NSD2: variants seen among roughly 807,000 people sequenced by gnomAD.
The protein encoded by NSD2 is nuclear receptor binding SET domain protein 2, also known as histone-lysine N-methyltransferase NSD2.
Under a neutral mutation model 139.0 loss-of-function variants are expected in NSD2, and 12 were observed. The observed-to-expected ratio is 0.09, with a 90% confidence interval of 0.06 to 0.14. NSD2 has a LOEUF of 0.14. Among genes scored for constraint, NSD2 ranks in the 10% least tolerant of loss-of-function variants. NSD2 has a pLI of 1.00. For missense variants in NSD2, 1,155 were observed against 1,745.0 expected, an observed-to-expected ratio of 0.66 and a Z score of 6.02; for synonymous variants, 669 against 648.7, an observed-to-expected ratio of 1.03 and a Z score of -0.48.
At chr4:1,921,661 A>G (rs1720143929) in intron 5 of NSD2, among the ~76,000 whole-genome samples, 1 of 151,664 alleles carries the variant, frequency 6.6e-6, no homozygotes, top group Non-Finnish European at 1.5e-5. Flanking sequence ...GAGCGCCTGT[A>G]ATCCCAGCTA....
At chr4:1,929,688 G>T (rs565626742) in intron 5 of NSD2, among the ~76,000 whole-genome samples, 2 of 152,286 alleles carry the variant, frequency 1.3e-5, no homozygotes, top group East Asian at 1.9e-4. Flanking sequence ...GAAATATTAT[G>T]ATGTTTTTCA....
chr4:1,918,788 T>C (rs1355017028), intron 5 of NSD2, 165 bp downstream of exon 5: 1 of 980,676 alleles, frequency 1.0e-6, no homozygotes, highest in African/African-American at 1.6e-5. Flanking sequence ...TTCTGACCCT[T>C]GAGGGAAAAG....
rs975192084 is a variant in NSD2 at position 1,980,312 on chromosome 4, C to G, written c.*1403C>G. 1 of 233,088 alleles carries G rather than the reference C, an allele frequency of 4.3e-6. No homozygotes were observed. The highest frequency in any genetic ancestry group is 8.5e-6 in the Non-Finnish European group (1 of 118,028). 14.4% of individuals were successfully genotyped at this position (233,088 alleles called of 1,614,324 possible). ...CCTTGACCCTGGGAAGTCTGGAGCA[C>G]CCTGAGAAGGGGGCACCATGTGTGC... On this transcript the variant is annotated 3_prime_UTR_variant, in exon 22 of 22. Transcript: ENST00000508803.
In NSD2 at chr4:1,875,282, T is replaced by G. The variant is rs1366755003; in HGVS notation, c.-30+3740T>G. 1.4e-4 allele frequency among the ~76,000 whole-genome samples: 18 copies of G among 126,136 alleles called. No individual in the cohort carries two copies. The East Asian group carries it at 3.4e-3, about 24-fold the overall frequency. The allele number at this position is 126,136 out of a possible 152,430, so 82.8% of individuals were successfully genotyped here. A position where few individuals can be genotyped will look rare whatever the true frequency, so the allele number is the denominator to read the frequency against. On this transcript the variant is annotated intron_variant, in intron 1 of 21. Coordinates refer to ENST00000508803, the MANE Select transcript of NSD2 (RefSeq NM_001042424.3). ...CCAAGTTGCAGTATAGCTTTTTACT[T>G]TTTTTTTTTTTTTTTTTGGGACAGG...
chr4:1,910,245 C>T (rs910986219), intron 3 of NSD2, among the ~76,000 whole-genome samples: 63 of 148,878 alleles, frequency 4.2e-4, no homozygotes, highest in African/African-American at 1.4e-3. Flanking sequence ...TTTTTTTTTT[C>T]GAGACAGTCT....
Position 1,930,643 on chromosome 4 carries a change from A to G in NSD2, c.1428A>G (p.Pro476=). 1 of 1,611,636 alleles carries G rather than the reference A, an allele frequency of 6.2e-7. No homozygotes were observed. The highest frequency in any genetic ancestry group is 8.5e-7 in the Non-Finnish European group (1 of 1,178,730). ...TCCCACAGGTGGTAGCTGAGCACCCAGATGCTTCAGGTGAGGAGATTGAAG... is the reference window on the plus strand; with the variant it reads ...TCCCACAGGTGGTAGCTGAGCACCCGGATGCTTCAGGTGAGGAGATTGAAG... ...KHRDEVVAEH[P]DASGEEIEEL... The change falls in exon 6 of 22, where the codon CCA becomes CCG. Residue 476 remains proline, a synonymous_variant. Transcript: ENST00000508803.
chr4:1,969,693 G>C (rs1246917952), intron 18 of NSD2, among the ~76,000 whole-genome samples: 1 of 152,230 alleles, frequency 6.6e-6, no homozygotes, highest in Non-Finnish European at 1.5e-5. Flanking sequence ...CTGGGCAACA[G>C]ATTCTGTCTC....
chr4:1,886,354 G>GC (rs1479468992), intron 1 of NSD2, among the ~76,000 whole-genome samples: 1 of 152,090 alleles, frequency 6.6e-6, no homozygotes, highest in African/African-American at 2.4e-5. Context: ...TTACAGGTGT[G>GC]CACCACTATG....
intron 1 of NSD2, among the ~76,000 whole-genome samples, chr4:1,897,204 G>A (rs1260249498): frequency 6.6e-6 from 1 of 151,896 alleles, no homozygotes; most frequent in Non-Finnish European, 1.5e-5. Flanking sequence ...GGTTTGGGCT[G>A]GGTGCAGTGT....
rs564472093 is a variant in NSD2, at chr4:1,925,772, ATTTT to A, written c.1411-4848_1411-4845del. Reference sequence around the variant, plus strand: ...CTTCTTTTTATATATCTATATATATATTTTTTTTTGTTTGTTTGTTTGTTTGTTT... The same window carrying A: ...CTTCTTTTTATATATCTATATATATATTTTTGTTTGTTTGTTTGTTTGTTT... On this transcript the variant is annotated intron_variant, in intron 5 of 21. Transcript: ENST00000508803. Among the ~76,000 whole-genome samples the A allele has an allele frequency of 2.5e-3, 376 of 148,958 alleles. 8 individuals carry two copies. The highest frequency in any genetic ancestry group is 3.8e-3 in the South Asian group (18 of 4,722).
rs748156397 is a variant in NSD2 at position 1,979,907 on chromosome 4, TAGGG to T, written c.*1001_*1004del. 5 of 232,492 alleles carry T rather than the reference TAGGG, an allele frequency of 2.2e-5. No individual in the cohort carries two copies. The highest frequency in any genetic ancestry group is 4.3e-5 in the Non-Finnish European group (5 of 117,598). 14.4% of individuals were successfully genotyped at this position (232,492 alleles called of 1,614,324 possible). On this transcript the variant is annotated 3_prime_UTR_variant, in exon 22 of 22. Transcript: ENST00000508803. ...GCTTAGAGCACAGGAAGTGACAACTTAGGGAGCCCCGTAGGGCGCTGCAGGCCCC... is the reference window on the plus strand; with the variant it reads ...GCTTAGAGCACAGGAAGTGACAACTTAGCCCCGTAGGGCGCTGCAGGCCCC...
chr4:1,931,842 T>C (rs944534502), intron 6 of NSD2, among the ~76,000 whole-genome samples: 1 of 152,236 alleles, frequency 6.6e-6, no homozygotes, highest in Admixed American at 6.5e-5. Context: ...TACCTCACTC[T>C]ATCAGTACAC....
chr4:1,872,631 A>AGAGC (rs1553856474), intron 1 of NSD2, among the ~76,000 whole-genome samples: 15 of 133,392 alleles, frequency 1.1e-4, no homozygotes, highest in Admixed American at 6.5e-4. Flanking sequence ...AGAGAGAGAG[A>AGAGC]GAGAGCGCGC....
chr4:1,908,855 C>T (rs10013545), intron 3 of NSD2, among the ~76,000 whole-genome samples: 1 of 152,120 alleles, frequency 6.6e-6, no homozygotes, highest in East Asian at 1.9e-4. Flanking sequence ...TCATAGCTCA[C>T]TCCAGGCTCA....
chr4:1,952,721 C>T, intron 11 of NSD2: 1 of 1,075,756 alleles, frequency 9.3e-7, no homozygotes, highest in Non-Finnish European at 1.1e-6. Context: ...GTTGTCAGTG[C>T]TGTTGTTCTG....
intron 9 of NSD2, among the ~76,000 whole-genome samples, chr4:1,950,509 G>A (rs1724096867): frequency 6.6e-6 from 1 of 152,200 alleles, no homozygotes; most frequent in African/African-American, 2.4e-5. Context: ...TCAGCCTGTG[G>A]TGTGAGTCCG....
At position 1,964,398 on chromosome 4, in the gene NSD2, C is replaced by A. The variant is rs376221213; in HGVS notation, c.3372+3247C>A. 6.6e-5 allele frequency among the ~76,000 whole-genome samples: 10 copies of A among 152,262 alleles called. No homozygotes were observed. The South Asian group carries it at 2.1e-3, about 32-fold the overall frequency. The stretch of plus-strand genomic sequence containing the variant: ...GGAAGCTACTGAAGGCTTGCAACTT[C>A]CAGGGGAGGCTTGGATGGCAAATTG... On this transcript the variant is annotated intron_variant, in intron 18 of 21. Coordinates refer to ENST00000508803, the MANE Select transcript of NSD2 (RefSeq NM_001042424.3).
intron 1 of NSD2, among the ~76,000 whole-genome samples, chr4:1,899,719 A>C (rs1402368051): frequency 1.3e-5 from 2 of 152,156 alleles, no homozygotes; most frequent in Non-Finnish European, 2.9e-5. Context: ...GTAGCTTTGC[A>C]GGGAAGACCC....
Position 1,918,125 on chromosome 4 carries a change from C to CTTTTT in NSD2, c.928-10_928-6dup. The CTTTTT allele has an allele frequency of 2.0e-6, 3 of 1,467,850 alleles. No individual in the cohort carries two copies. The highest frequency in any genetic ancestry group is 1.9e-5 in the Admixed American group (1 of 52,000). 90.9% of individuals were successfully genotyped at this position (1,467,850 alleles called of 1,614,324 possible). On this transcript the variant is annotated splice_polypyrimidine_tract_variant and intron_variant, in intron 4 of 21. Coordinates refer to ENST00000508803, the MANE Select transcript of NSD2 (RefSeq NM_001042424.3). Reference sequence around the variant, plus strand: ...TTGTGTAGTGAAACTTACAGTGTCTCTTTTTTTTTTCCCAGCTATTGAAAC... The same window carrying CTTTTT: ...TTGTGTAGTGAAACTTACAGTGTCTCTTTTTTTTTTTTTTTCCCAGCTATTGAAAC...
Sources: allele counts gnomAD v4.1 joint callset (sites outside exome capture counted in the v4.1 genomes callset), GRCh38; gene constraint gnomAD v4.1.1; transcripts MANE v1.5; gene names NCBI Gene and HGNC (gene_info 2026-07-23, HGNC 2026-07-21).